The following TPCN1 variants were observed in gnomAD, a reference collection of about 807,000 sequenced individuals.
TPCN1 encodes two pore segment channel 1.
Under a neutral mutation model 108.8 loss-of-function variants are expected in TPCN1, and 52 were observed. The ratio of observed to expected loss-of-function variants is 0.48; its 90% CI spans 0.38 to 0.60. TPCN1 has a LOEUF of 0.60. TPCN1 is among the 20% of genes least tolerant of loss of function. TPCN1 has a pLI of 0.00. For missense variants in TPCN1, 806 were observed against 1,072.8 expected, an observed-to-expected ratio of 0.75 and a Z score of 3.47; for synonymous variants, 446 against 433.7, an observed-to-expected ratio of 1.03 and a Z score of -0.35.
At chr12:113,278,595 G>A (rs991112285) in intron 13 of TPCN1, among the ~76,000 whole-genome samples, 177 bp from the exon 14 acceptor site, 1 of 152,170 alleles carries the variant, frequency 6.6e-6, no homozygotes, top group Non-Finnish European at 1.5e-5. Context: ...CCTCTGCATG[G>A]CACATTGTAA....
intron 2 of TPCN1, among the ~76,000 whole-genome samples, chr12:113,253,887 C>T (rs1414821356): frequency 6.6e-6 from 1 of 152,216 alleles, no homozygotes; most frequent in Non-Finnish European, 1.5e-5. Flanking sequence ...TAGGTTTTGG[C>T]ATACAGTAAA....
chr12:113,243,898 C>T (rs1344585736), intron 2 of TPCN1, among the ~76,000 whole-genome samples: 1 of 152,148 alleles, frequency 6.6e-6, no homozygotes, highest in Non-Finnish European at 1.5e-5. Flanking sequence ...CAGTCACTGC[C>T]CCCGATGATT....
Position 113,269,023 on chromosome 12 carries a change from A to G in TPCN1, c.659+151A>G, listed in dbSNP as rs1377669371. The G allele has an allele frequency of 1.1e-6, 1 of 920,480 alleles. No homozygotes were observed. The highest frequency in any genetic ancestry group is 2.2e-5 in the Admixed American group (1 of 46,196). 57.0% of individuals were successfully genotyped at this position (920,480 alleles called of 1,614,324 possible). On this transcript the variant is annotated intron_variant, in intron 6 of 27. Transcript: ENST00000335509. The surrounding 1 kb of genome is among the most constrained non-coding windows in gnomAD (Gnocchi z 5.0). ...AGACTCACTCTCCCTCTGCCATTCC[A>G]TCCACGCACAGGAGAAAGCGGTATT... is the stretch of plus-strand genomic sequence containing the variant.
Position 113,267,831 on chromosome 12 carries a change from C to G in TPCN1, c.415-12C>G. ...GCTGGCCATGACACATCTCCACACC[C>G]TCTGGTCTCAGGTCCACGCCACCCT... On this transcript the variant is annotated splice_polypyrimidine_tract_variant and intron_variant, in intron 4 of 27. Coordinates refer to ENST00000335509, the MANE Select transcript of TPCN1 (RefSeq NM_017901.6). The G allele has an allele frequency of 6.2e-7, 1 of 1,602,386 alleles. No individual in the cohort carries two copies. Among genetic ancestry groups the G allele is most frequent in the Non-Finnish European group, 8.6e-7 (1 of 1,169,366 alleles).
At chr12:113,275,636 G>A (rs59151286) in intron 10 of TPCN1, among the ~76,000 whole-genome samples, 11,646 of 148,834 alleles carry the variant, frequency 0.078, 1,057 homozygotes, top group African/African-American at 0.23. Context: ...GCAGTGGCGC[G>A]ATCTCGGCTC....
intron 4 of TPCN1, among the ~76,000 whole-genome samples, chr12:113,267,276 C>A (rs1408614759): frequency 6.6e-6 from 1 of 152,108 alleles, no homozygotes; most frequent in African/African-American, 2.4e-5. Context: ...CTTTGACAAT[C>A]GGATTTTATT....
At chr12:113,243,313 T>C (rs1954221777) in intron 2 of TPCN1, among the ~76,000 whole-genome samples, 1 of 151,822 alleles carries the variant, frequency 6.6e-6, no homozygotes, top group African/African-American at 2.4e-5. Context: ...GAGGTTGCAG[T>C]GAGCCAAGAT....
chr12:113,292,211 G>A, intron 25 of TPCN1: 2 of 481,372 alleles, frequency 4.2e-6, no homozygotes, highest in Non-Finnish European at 7.5e-6. Flanking sequence ...AAGAAGTAGA[G>A]AAAGGCTTAT....
At chr12:113,237,127 G>A (rs977116283) in intron 2 of TPCN1, among the ~76,000 whole-genome samples, 1 of 152,192 alleles carries the variant, frequency 6.6e-6, no homozygotes, top group African/African-American at 2.4e-5. Flanking sequence ...TCGGGATGCT[G>A]TCTCTAGCCA....
intron 27 of TPCN1, among the ~76,000 whole-genome samples, chr12:113,293,574 CAT>C (rs1450814112): frequency 6.6e-6 from 1 of 152,238 alleles, no homozygotes; most frequent in Non-Finnish European, 1.5e-5. Context: ...TGCCTGCCGC[CAT>C]ATGTCCCTGC....
chr12:113,265,494 T>A (rs894786237), intron 3 of TPCN1, among the ~76,000 whole-genome samples: 1 of 152,056 alleles, frequency 6.6e-6, no homozygotes, highest in African/African-American at 2.4e-5. Flanking sequence ...TCTGAGGGGA[T>A]TGGACATGCC....
Position 113,288,703 on chromosome 12 carries a change from G to A in TPCN1, c.1707-55G>A. 1 of 1,601,996 alleles carries A rather than the reference G, an allele frequency of 6.2e-7. No homozygotes were observed. The highest frequency in any genetic ancestry group is 8.5e-7 in the Non-Finnish European group (1 of 1,177,414). Reference sequence around the variant, plus strand: ...CGGGTCCGAGGAGGCCGGGGCTGCAGAGGAGCCGTTCCCTCCTGCCGGCCC... The same window carrying A: ...CGGGTCCGAGGAGGCCGGGGCTGCAAAGGAGCCGTTCCCTCCTGCCGGCCC... On this transcript the variant is annotated intron_variant, in intron 20 of 27. Transcript: ENST00000335509. This position sits in a 1 kb window ranked among gnomAD's most constrained non-coding sequence, Gnocchi z 4.8.
At chr12:113,223,628 C>G (rs1454256186) in intron 1 of TPCN1, among the ~76,000 whole-genome samples, 1 of 152,194 alleles carries the variant, frequency 6.6e-6, no homozygotes, top group Admixed American at 6.5e-5. Context: ...ACTGCAACCT[C>G]TGCCTCCTGG....
intron 2 of TPCN1, among the ~76,000 whole-genome samples, chr12:113,246,308 G>A (rs191870390): frequency 1.3e-5 from 2 of 152,328 alleles, no homozygotes; most frequent in East Asian, 1.9e-4. Context: ...GCAAGGCTGC[G>A]CCTGTCCTCT....
intron 2 of TPCN1, chr12:113,244,271 C>T (rs1180915179): frequency 1.0e-5 from 10 of 983,068 alleles, no homozygotes; most frequent in Non-Finnish European, 1.2e-5. Context: ...CCCTTTCCTC[C>T]TTTGGCTTAA....
rs2136411777 is a variant in TPCN1 at position 113,221,527 on chromosome 12, C to G, written c.-225C>G. On this transcript the variant is annotated 5_prime_UTR_variant, in exon 1 of 28. Transcript: ENST00000335509. ...GCGGCGGCTTCGGCGGCTGCGGCGG[C>G]TGCAACAGCTTCGGGCTCGGGGTTT... 3.4e-6 allele frequency: 1 copy of G among 291,242 alleles called. No homozygotes were observed. Among genetic ancestry groups the G allele is most frequent in the South Asian group, 2.8e-5 (1 of 35,092 alleles). The allele number at this position is 291,242 out of a possible 1,614,324, so 18.0% of individuals were successfully genotyped here. A position where few individuals can be genotyped will look rare whatever the true frequency, so the allele number is the denominator to read the frequency against.
chr12:113,269,034 G>A lies in TPCN1; in HGVS notation c.659+162G>A, dbSNP rs1349404604. Among the ~76,000 whole-genome samples, 3 of 152,192 alleles carry A rather than the reference G, an allele frequency of 2.0e-5. No homozygotes were observed. Among genetic ancestry groups the A allele is most frequent in the African/African-American group, 7.2e-5 (3 of 41,452 alleles). On this transcript the variant is annotated intron_variant, in intron 6 of 27. Transcript: ENST00000335509. This position sits in a 1 kb window ranked among gnomAD's most constrained non-coding sequence, Gnocchi z 5.0. The stretch of plus-strand genomic sequence containing the variant: ...CCCTCTGCCATTCCATCCACGCACA[G>A]GAGAAAGCGGTATTCCTACCGCAGT...
At chr12:113,277,989 T>C (rs1955730722) in intron 12 of TPCN1, among the ~76,000 whole-genome samples, 200 bp from the exon 13 acceptor site, 3 of 152,106 alleles carry the variant, frequency 2.0e-5, no homozygotes, top group Non-Finnish European at 4.4e-5. Context: ...GATTACATAT[T>C]TGTAGTACCT....
intron 15 of TPCN1, 28 bp downstream of exon 15, chr12:113,280,223 C>A: frequency 6.3e-7 from 1 of 1,592,204 alleles, no homozygotes; most frequent in Non-Finnish European, 8.6e-7. Context: ...CCACTCTAGG[C>A]CACTTTCCCC....
Sources: allele counts gnomAD v4.1 joint callset (sites outside exome capture counted in the v4.1 genomes callset), GRCh38; gene constraint gnomAD v4.1.1; non-coding constraint Gnocchi (gnomAD v3.1); transcripts MANE v1.5; gene names NCBI Gene and HGNC (gene_info 2026-07-23, HGNC 2026-07-21).